Variants in TULP4 observed in about 807,000 individuals in gnomAD.
TULP4 encodes tubby-related protein 4.
A neutral mutation model predicts 129.0 loss-of-function variants in TULP4; 16 were observed. The ratio of observed to expected loss-of-function variants is 0.12; its 90% CI spans 0.08 to 0.19. The LOEUF is 0.19. Among genes scored for constraint, TULP4 ranks in the 10% least tolerant of loss-of-function variants. TULP4 has a pLI of 1.00. For missense variants in TULP4, 1,842 were observed against 2,059.1 expected (o/e 0.89, Z 2.04); for synonymous variants, 998 against 854.0 (o/e 1.17, Z -2.94).
chr6:158,273,510 C>A (rs1440623130), intron 1 of TULP4, among the ~76,000 whole-genome samples: 1 of 152,220 alleles, frequency 6.6e-6, no homozygotes, highest in Admixed American at 6.5e-5. Flanking sequence ...GGTTCAGATG[C>A]AAGTGTCCAG....
chr6:158,244,454 A>G (rs1042071545), intron 1 of TULP4, among the ~76,000 whole-genome samples: 9 of 152,080 alleles, frequency 5.9e-5, no homozygotes, highest in African/African-American at 1.9e-4. Flanking sequence ...TCCCAATGTG[A>G]TAGTATTTGG....
chr6:158,353,203 CT>C (rs1780569137), intron 1 of TULP4, among the ~76,000 whole-genome samples: 1 of 152,144 alleles, frequency 6.6e-6, no homozygotes, highest in South Asian at 2.1e-4. Context: ...CTATGTGGCT[CT>C]TTCCACAGAG....
chr6:158,372,240 G>A (rs1226233505), intron 1 of TULP4, among the ~76,000 whole-genome samples: 1 of 127,560 alleles, frequency 7.8e-6, no homozygotes, highest in Non-Finnish European at 1.6e-5. Context: ...TTCAACAATA[G>A]CAAAACAGGA....
intron 1 of TULP4, among the ~76,000 whole-genome samples, chr6:158,259,905 C>T (rs185152885): frequency 2.8e-4 from 41 of 148,550 alleles, no homozygotes; most frequent in Admixed American, 7.0e-4. Context: ...TCCTGGATGC[C>T]GAGCTCCCAT....
At chr6:158,264,452 G>A (rs922828549) in intron 1 of TULP4, among the ~76,000 whole-genome samples, 1 of 152,078 alleles carries the variant, frequency 6.6e-6, no homozygotes, top group Admixed American at 6.6e-5. Flanking sequence ...TGGCTTATTT[G>A]TGTGTTTAAA....
At chr6:158,238,129 T>G in intron 1 of TULP4, 1 of 744,612 alleles carries the variant, frequency 1.3e-6, no homozygotes, top group Non-Finnish European at 2.5e-6. Context: ...GGTTTCTGCT[T>G]TAACTCCTCT....
At chr6:158,349,067 C>A (rs1175484488) in intron 1 of TULP4, among the ~76,000 whole-genome samples, 1 of 40,200 alleles carries the variant, frequency 2.5e-5, no homozygotes, top group South Asian at 8.4e-4. Context: ...ACGGGGCGGC[C>A]AGGCAGAGGC....
At chr6:158,421,860 G>A (rs984758357) in intron 2 of TULP4, among the ~76,000 whole-genome samples, 1 of 152,182 alleles carries the variant, frequency 6.6e-6, no homozygotes, top group Non-Finnish European at 1.5e-5. Context: ...CCTATGTGAT[G>A]AGAGTTTATG....
At chr6:158,238,700 C>G (rs1467865116) in intron 1 of TULP4, among the ~76,000 whole-genome samples, 2 of 95,664 alleles carry the variant, frequency 2.1e-5, no homozygotes, top group Non-Finnish European at 4.3e-5. Flanking sequence ...TCCATTTAAC[C>G]CTGAGTGGAC....
intron 1 of TULP4, among the ~76,000 whole-genome samples, chr6:158,266,737 A>T (rs1370953674): frequency 6.6e-6 from 1 of 152,210 alleles, no homozygotes; most frequent in Non-Finnish European, 1.5e-5. Flanking sequence ...AGGGATGCAT[A>T]TGGGTTATGT....
intron 1 of TULP4, among the ~76,000 whole-genome samples, chr6:158,243,613 G>T (rs1388548251): frequency 6.6e-6 from 1 of 151,862 alleles, no homozygotes; most frequent in Non-Finnish European, 1.5e-5. Context: ...TCCTTGTAAT[G>T]TAAAATATGT....
intron 1 of TULP4, among the ~76,000 whole-genome samples, chr6:158,302,373 A>T (rs1223203589): frequency 6.6e-6 from 1 of 152,246 alleles, no homozygotes; most frequent in Admixed American, 6.5e-5. Flanking sequence ...ATTCTTAGGT[A>T]TTAAAGCAGG....
At chr6:158,497,577 A>T (rs777083187) in intron 11 of TULP4, among the ~76,000 whole-genome samples, 159 of 152,318 alleles carry the variant, frequency 1.0e-3, no homozygotes, top group Non-Finnish European at 1.7e-3. Context: ...AATTTTTTTA[A>T]AAATTGCTTT....
intron 1 of TULP4, chr6:158,242,613 C>T: frequency 1.4e-6 from 1 of 708,116 alleles, no homozygotes; most frequent in Non-Finnish European, 2.6e-6. Context: ...CAGTTTGGTG[C>T]AAGTATTGAT....
At chr6:158,470,267 A>G (rs924904501) in intron 6 of TULP4, among the ~76,000 whole-genome samples, 13 of 152,244 alleles carry the variant, frequency 8.5e-5, no homozygotes, top group African/African-American at 3.1e-4. Context: ...AGTGGTGGAC[A>G]GCGAGCGAAA....
In TULP4 at chr6:158,444,031, A is replaced by G. The variant is rs929683476; in HGVS notation, c.544-4965A>G. On this transcript the variant is annotated intron_variant, in intron 3 of 13. Transcript: ENST00000367097. ...TCAGGAGATTGAGACCATCCTGGCTAACACGGTGAAACCCCGTCTCTACTA... is the reference window on the plus strand; with the variant it reads ...TCAGGAGATTGAGACCATCCTGGCTGACACGGTGAAACCCCGTCTCTACTA... 6.6e-5 allele frequency among the ~76,000 whole-genome samples: 10 copies of G among 151,854 alleles called. No homozygotes were observed. The East Asian group carries it at 1.2e-3, about 18-fold the overall frequency.
chr6:158,489,800 A>C (rs1018833308), intron 9 of TULP4, 68 bp downstream of exon 9: 1 of 1,586,876 alleles, frequency 6.3e-7, no homozygotes, highest in African/African-American at 1.3e-5. Context: ...TGCCTGCAAC[A>C]GAATCGCATT....
chr6:158,506,501 G>T (rs1582889608), intron 13 of TULP4, 77 bp from the exon 14 acceptor site: 1 of 948,190 alleles, frequency 1.1e-6, no homozygotes. Context: ...AAAGTGCTGG[G>T]ACTACAGGCG....
intron 1 of TULP4, among the ~76,000 whole-genome samples, chr6:158,265,868 T>C (rs565076386): frequency 3.7e-4 from 57 of 152,312 alleles, no homozygotes; most frequent in South Asian, 1.0e-3. Flanking sequence ...TATAAAACTT[T>C]TGTATTTCAC....
Sources: allele counts gnomAD v4.1 joint callset (sites outside exome capture counted in the v4.1 genomes callset), GRCh38; gene constraint gnomAD v4.1.1; transcripts MANE v1.5; gene names NCBI Gene and HGNC (gene_info 2026-07-23, HGNC 2026-07-21).